Variants in CADPS2 observed in about 807,000 individuals in gnomAD.
The protein encoded by CADPS2 is calcium-dependent secretion activator 2.
CADPS2 carries 93 observed loss-of-function variants against 172.5 expected under a neutral mutation model. The observed-to-expected ratio is 0.54, with a 90% CI of 0.46 to 0.64. The LOEUF is 0.64. CADPS2 is among the 30% of genes least tolerant of loss of function. The pLI, the probability that CADPS2 is intolerant of heterozygous loss-of-function variation, is 0.00. For synonymous variants in CADPS2, 546 were observed against 555.2 expected, an observed-to-expected ratio of 0.98 and a Z score of 0.23; for missense variants, 1,420 against 1,565.9, an observed-to-expected ratio of 0.91 and a Z score of 1.57.
intron 3 of CADPS2, among the ~76,000 whole-genome samples, chr7:122,656,763 T>G (rs541379589): frequency 6.6e-6 from 1 of 152,146 alleles, no homozygotes; most frequent in Non-Finnish European, 1.5e-5. Context: ...ACAAGGATAC[T>G]GGAGGAAGCT....
chr7:122,389,131 C>T (rs2044053295), intron 22 of CADPS2, among the ~76,000 whole-genome samples: 1 of 151,992 alleles, frequency 6.6e-6, no homozygotes, highest in Admixed American at 6.6e-5. Context: ...TAACCAGTAC[C>T]TTTGCCGTTA....
chr7:122,492,545 C>T (rs2058386408), intron 9 of CADPS2, among the ~76,000 whole-genome samples: 1 of 152,150 alleles, frequency 6.6e-6, no homozygotes, highest in African/African-American at 2.4e-5. Flanking sequence ...ACGTCAGATG[C>T]TACAACAGGC....
chr7:122,545,487 T>A, intron 8 of CADPS2, among the ~76,000 whole-genome samples: 1 of 152,222 alleles, frequency 6.6e-6, no homozygotes, highest in South Asian at 2.1e-4. Context: ...TTTTGAAGAA[T>A]CTGAATGCTA....
intron 1 of CADPS2, among the ~76,000 whole-genome samples, chr7:122,842,577 A>T (rs1284935957): frequency 6.6e-6 from 1 of 152,204 alleles, no homozygotes; most frequent in African/African-American, 2.4e-5. Context: ...TACAGAAATG[A>T]TCATTAAGCT....
intron 28 of CADPS2, chr7:122,339,117 T>C (rs1459982123): frequency 6.6e-6 from 1 of 152,152 alleles, no homozygotes; most frequent in Non-Finnish European, 1.5e-5. Context: ...AAGGCAAAGA[T>C]GGTCTTCCAT....
At chr7:122,399,854 C>T (rs2045714439) in intron 20 of CADPS2, among the ~76,000 whole-genome samples, 1 of 150,034 alleles carries the variant, frequency 6.7e-6, no homozygotes, top group South Asian at 2.1e-4. Context: ...GCCCGGCTAA[C>T]TTTTTGTATT....
At chr7:122,707,647 T>G (rs2087803285) in intron 2 of CADPS2, among the ~76,000 whole-genome samples, 1 of 151,926 alleles carries the variant, frequency 6.6e-6, no homozygotes, top group South Asian at 2.1e-4. Context: ...ATGTTTTTTT[T>G]GCAAGAAATT....
At chr7:122,808,189 T>C (rs1022056203) in intron 1 of CADPS2, among the ~76,000 whole-genome samples, 3 of 152,052 alleles carry the variant, frequency 2.0e-5, no homozygotes, top group African/African-American at 4.8e-5. Context: ...GTGTCTTCTG[T>C]AGAAAAAAAA....
chr7:122,336,162 G>T (rs2035820256), intron 28 of CADPS2, among the ~76,000 whole-genome samples: 1 of 152,206 alleles, frequency 6.6e-6, no homozygotes, highest in South Asian at 2.1e-4. Context: ...CACATGTAAT[G>T]ATAGTTCTGC....
intron 3 of CADPS2, among the ~76,000 whole-genome samples, chr7:122,652,894 TC>T (rs1334420161): frequency 2.0e-5 from 3 of 152,136 alleles, no homozygotes; most frequent in African/African-American, 7.2e-5. Flanking sequence ...TGTGCTATCT[TC>T]TATCTTAGTG....
chr7:122,472,494 T>C (rs550768871), intron 13 of CADPS2, among the ~76,000 whole-genome samples: 1 of 152,294 alleles, frequency 6.6e-6, no homozygotes, highest in South Asian at 2.1e-4. Context: ...TGTTGAGCCA[T>C]GATTTATATT....
chr7:122,663,577 C>T lies in CADPS2; in HGVS notation c.454-8G>A. On this transcript the variant is annotated splice_region_variant and splice_polypyrimidine_tract_variant and intron_variant, in intron 2 of 29. Coordinates refer to ENST00000449022, the MANE Select transcript of CADPS2 (RefSeq NM_017954.11). The stretch of plus-strand genomic sequence containing the variant: ...GTCACTCTTTAGAAAAACCTGAAAA[C>T]AAAACAAAACAAAACAAAACAAAAA... 1 of 1,520,650 alleles carries T rather than the reference C, an allele frequency of 6.6e-7. No homozygotes were observed. The allele number at this position is 1,520,650 out of a possible 1,614,324, so 94.2% of individuals were successfully genotyped here.
At chr7:122,345,916 A>ACCTTTT (rs1554445655) in intron 27 of CADPS2, among the ~76,000 whole-genome samples, 1 of 53,584 alleles carries the variant, frequency 1.9e-5, no homozygotes, top group Non-Finnish European at 3.4e-5. Context: ...ATCCGTAGAT[A>ACCTTTT]TCTTTTTTTT....
At chr7:122,687,422 T>C (rs2083775624) in intron 2 of CADPS2, among the ~76,000 whole-genome samples, 1 of 152,222 alleles carries the variant, frequency 6.6e-6, no homozygotes, top group Non-Finnish European at 1.5e-5. Context: ...TCAAGCTAAC[T>C]GCAGGGTAGT....
At chr7:122,807,777 G>A (rs1378720262) in intron 1 of CADPS2, among the ~76,000 whole-genome samples, 1 of 152,034 alleles carries the variant, frequency 6.6e-6, no homozygotes, top group Non-Finnish European at 1.5e-5. Context: ...GGCATGGGGG[G>A]CATTGGGGGA....
At chr7:122,727,965 T>G (rs1233176865) in intron 2 of CADPS2, among the ~76,000 whole-genome samples, 1 of 152,048 alleles carries the variant, frequency 6.6e-6, no homozygotes, top group East Asian at 1.9e-4. Flanking sequence ...ATTTCATCTA[T>G]GAATGTGTTG....
intron 2 of CADPS2, among the ~76,000 whole-genome samples, chr7:122,717,753 C>T (rs1175117141): frequency 6.6e-6 from 1 of 152,030 alleles, no homozygotes; most frequent in East Asian, 1.9e-4. Flanking sequence ...AATTCCTGTG[C>T]AGAAAAATAT....
intron 3 of CADPS2, among the ~76,000 whole-genome samples, chr7:122,635,549 G>A (rs1383518522): frequency 4.0e-5 from 6 of 151,632 alleles, no homozygotes; most frequent in African/African-American, 1.2e-4. Flanking sequence ...TTGTTCTTGC[G>A]ATAGTTTACT....
At chr7:122,325,420 T>G (rs2150732955) in intron 29 of CADPS2, 57 bp downstream of exon 29, 3 of 1,095,244 alleles carry the variant, frequency 2.7e-6, no homozygotes, top group Non-Finnish European at 4.1e-6. Context: ...TGTCAGTATC[T>G]TGCCATTATT....
Sources: gnomAD v4.1 joint callset for allele counts (sites outside exome capture counted in the v4.1 genomes callset) on GRCh38, gnomAD v4.1.1 for gene constraint, MANE v1.5 for transcripts, NCBI Gene and HGNC (gene_info 2026-07-23, HGNC 2026-07-21) for gene names.